Variants in SRD5A2 observed in about 807,000 individuals in gnomAD.
SRD5A2 encodes 3-oxo-5-alpha-steroid 4-dehydrogenase 2.
Under a neutral mutation model 27.4 loss-of-function variants are expected in SRD5A2, and 30 were observed. That is an observed-to-expected ratio of 1.10 (90% confidence interval 0.82 to 1.49). The LOEUF (loss-of-function observed/expected upper bound fraction) is 1.49. SRD5A2 is among the 40% of genes most tolerant of loss of function. The probability of loss-of-function intolerance (pLI) is 0.00; values close to 1 mark genes in which losing one functional copy is unlikely to be tolerated. For synonymous variants in SRD5A2, 141 were observed against 133.6 expected (o/e 1.06, Z -0.38); for missense variants, 348 against 323.4 (o/e 1.08, Z -0.58).
At chr2:31,591,404 T>C in the SRD5A2 span, among the ~76,000 whole-genome samples, 2 of 152,114 alleles carry the variant, frequency 1.3e-5, no homozygotes, top group Admixed American at 6.6e-5. Flanking sequence ...CTCACGCCAG[T>C]TAAAATGGCG....
At chr2:31,629,995 G>C in the SRD5A2 span, among the ~76,000 whole-genome samples, 1 of 152,112 alleles carries the variant, frequency 6.6e-6, no homozygotes, top group African/African-American at 2.4e-5. Flanking sequence ...CCTGTCCCTG[G>C]TGTCCCTCTC....
the SRD5A2 span, among the ~76,000 whole-genome samples, chr2:31,628,576 T>C: frequency 2.0e-5 from 3 of 152,208 alleles, no homozygotes; most frequent in South Asian, 2.1e-4. Flanking sequence ...CACTGGTCTA[T>C]GTATTTAAGT....
At chr2:31,570,258 G>A (rs148851808) in intron 1 of SRD5A2, among the ~76,000 whole-genome samples, 17 of 152,042 alleles carry the variant, frequency 1.1e-4, no homozygotes, top group African/African-American at 4.1e-4. Context: ...TACATAAGCA[G>A]AACTAAAAAC....
intron 1 of SRD5A2, among the ~76,000 whole-genome samples, chr2:31,567,433 GGTGT>G (rs557711508): frequency 6.9e-6 from 1 of 145,476 alleles, no homozygotes. Context: ...GGTGCAATTT[GGTGT>G]GTGTGTGTGT....
chr2:31,580,710 G>C lies in SRD5A2; in HGVS notation c.191C>G (p.Pro64Arg). Residue 64 changes from proline to arginine, a missense_variant, in exon 1 of 5, where the codon CCC (proline) becomes CGC (arginine). Physicochemically the swap from Pro to Arg is moderately radical, Grantham distance 103. Coordinates refer to ENST00000622030, the MANE Select transcript of SRD5A2 (RefSeq NM_000348.4). ...GGGCTGCCGGGCGAGGATCCCCGCG[G>C]GCACCGCGAAGGAAGGCAGCTCCTG... ...FLQELPSFAV[P>R]AGILARQPLS... 1 of 1,605,092 alleles carries C rather than the reference G, an allele frequency of 6.2e-7. No homozygotes were observed. The highest frequency in any genetic ancestry group is 8.5e-7 in the Non-Finnish European group (1 of 1,179,038).
At chr2:31,613,798 G>A in the SRD5A2 span, among the ~76,000 whole-genome samples, 1 of 152,084 alleles carries the variant, frequency 6.6e-6, no homozygotes, top group African/African-American at 2.4e-5. Context: ...ACAGTGGAGG[G>A]CAAAGGGGAA....
the SRD5A2 span, among the ~76,000 whole-genome samples, chr2:31,603,242 C>T: frequency 6.6e-6 from 1 of 151,470 alleles, no homozygotes; most frequent in Non-Finnish European, 1.5e-5. Flanking sequence ...GGGCAAAGGA[C>T]ATGAACAGAC....
the SRD5A2 span, among the ~76,000 whole-genome samples, chr2:31,648,053 A>C: frequency 6.6e-6 from 1 of 152,158 alleles, no homozygotes; most frequent in African/African-American, 2.4e-5. Context: ...AATACTACCA[A>C]GTTGCCCTCC....
the SRD5A2 span, among the ~76,000 whole-genome samples, chr2:31,608,469 G>A: frequency 6.6e-6 from 1 of 152,026 alleles, no homozygotes; most frequent in East Asian, 1.9e-4. Context: ...GGTTGGAACT[G>A]TTGGAAAGAA....
upstream of SRD5A2, chr2:31,581,041 C>T: frequency 1.1e-6 from 1 of 885,764 alleles, no homozygotes; most frequent in East Asian, 2.9e-5. Context: ...TCCCACCTCG[C>T]CGCGTCCAGC....
chr2:31,571,126 A>T (rs1255157647), intron 1 of SRD5A2, among the ~76,000 whole-genome samples: 3 of 152,238 alleles, frequency 2.0e-5, no homozygotes, highest in Non-Finnish European at 2.9e-5. Flanking sequence ...AAACTACACT[A>T]CAAGGCTACA....
the SRD5A2 span, among the ~76,000 whole-genome samples, chr2:31,620,814 T>C: frequency 6.7e-6 from 1 of 148,746 alleles, no homozygotes; most frequent in Non-Finnish European, 1.5e-5. Context: ...ATATATTTTA[T>C]ATATATTTAT....
intron 4 of SRD5A2, among the ~76,000 whole-genome samples, chr2:31,528,280 G>GGT (rs1674331256): frequency 6.6e-6 from 1 of 152,110 alleles, no homozygotes. Flanking sequence ...ATAGAGGGTG[G>GGT]GTGTCAGGGA....
chr2:31,612,662 AC>A, the SRD5A2 span, among the ~76,000 whole-genome samples: 4 of 152,322 alleles, frequency 2.6e-5, no homozygotes, highest in East Asian at 3.9e-4. Context: ...AATGGAAAAA[AC>A]AATCCTAAAA....
the SRD5A2 span, among the ~76,000 whole-genome samples, chr2:31,590,384 A>G: frequency 0.68 from 103,762 of 151,922 alleles, 35,857 homozygotes; most frequent in Non-Finnish European, 0.73. Context: ...CCTTGAAGAG[A>G]TCCTTCACGT....
chr2:31,575,343 AC>A (rs1666935850), intron 1 of SRD5A2, among the ~76,000 whole-genome samples: 1 of 152,252 alleles, frequency 6.6e-6, no homozygotes, highest in Admixed American at 6.5e-5. Context: ...AACTGACCCA[AC>A]CTTTTGTGCT....
upstream of SRD5A2, among the ~76,000 whole-genome samples, chr2:31,583,494 A>G (rs1667116595): frequency 6.6e-6 from 1 of 152,056 alleles, no homozygotes; most frequent in South Asian, 2.1e-4. Context: ...CCAATTATAA[A>G]TATACAGCTT....
the SRD5A2 span, among the ~76,000 whole-genome samples, chr2:31,623,493 T>G: frequency 6.6e-6 from 1 of 152,074 alleles, no homozygotes; most frequent in Non-Finnish European, 1.5e-5. Flanking sequence ...TGGAGAGGTG[T>G]TGAGGTCATT....
At chr2:31,659,191 AAG>A in the SRD5A2 span, among the ~76,000 whole-genome samples, 1 of 152,196 alleles carries the variant, frequency 6.6e-6, no homozygotes, top group African/African-American at 2.4e-5. Context: ...TCAAAATAAT[AAG>A]AGCCATCTAT....
Sources: allele counts gnomAD v4.1 joint callset (sites outside exome capture counted in the v4.1 genomes callset), GRCh38; gene constraint gnomAD v4.1.1; transcripts MANE v1.5; gene names NCBI Gene and HGNC (gene_info 2026-07-23, HGNC 2026-07-21).